The following ARFGEF1 variants were observed in gnomAD, a reference collection of about 807,000 sequenced individuals.
ARFGEF1 encodes brefeldin A-inhibited guanine nucleotide-exchange protein 1.
A neutral mutation model predicts 231.0 loss-of-function variants in ARFGEF1; 42 were observed. That is an observed-to-expected ratio of 0.18 (90% CI 0.14 to 0.24). ARFGEF1 has a LOEUF of 0.24. Among genes scored for constraint, ARFGEF1 ranks in the 10% least tolerant of loss-of-function variants. ARFGEF1 has a pLI of 1.00. For missense variants in ARFGEF1, 1,345 were observed against 2,192.0 expected (o/e 0.61, Z 7.72); for synonymous variants, 710 against 732.3 (o/e 0.97, Z 0.49).
chr8:67,260,028 T>G, intron 14 of ARFGEF1, 102 bp from the exon 15 acceptor site: 2 of 657,366 alleles, frequency 3.0e-6, no homozygotes, highest in Non-Finnish European at 5.2e-6. Flanking sequence ...CAGAAAATAG[T>G]AGCTTATTTA....
intron 27 of ARFGEF1, among the ~76,000 whole-genome samples, 158 bp from the exon 28 acceptor site, chr8:67,226,341 A>C (rs1839370111): frequency 6.6e-6 from 1 of 152,068 alleles, no homozygotes; most frequent in Admixed American, 6.6e-5. Flanking sequence ...TTACCACTTA[A>C]CTGACTGCCC....
chr8:67,329,570 AAAT>A (rs1480878735), intron 1 of ARFGEF1, among the ~76,000 whole-genome samples: 5 of 149,822 alleles, frequency 3.3e-5, no homozygotes, highest in African/African-American at 1.2e-4. Flanking sequence ...ATAAATAAAT[AAAT>A]AAAAAGAATT....
intron 1 of ARFGEF1, among the ~76,000 whole-genome samples, chr8:67,324,341 GCTTT>G (rs1461088922): frequency 6.6e-6 from 1 of 152,148 alleles, no homozygotes; most frequent in Non-Finnish European, 1.5e-5. Context: ...TCTCATCCTT[GCTTT>G]CTTTGCCAAA....
intron 27 of ARFGEF1, among the ~76,000 whole-genome samples, chr8:67,226,742 A>T (rs183071597): frequency 1.1e-3 from 164 of 152,164 alleles, no homozygotes; most frequent in African/African-American, 3.7e-3. Context: ...AAGGCTGTGC[A>T]ATGTACTTAC....
chr8:67,196,936 G>C (rs1444923739), downstream of ARFGEF1, among the ~76,000 whole-genome samples: 1 of 151,964 alleles, frequency 6.6e-6, no homozygotes, highest in Non-Finnish European at 1.5e-5. Context: ...TTATCTAAGA[G>C]AGGTGTGAAA....
chr8:67,289,860 A>C (rs1331196872), intron 6 of ARFGEF1, among the ~76,000 whole-genome samples: 1 of 152,192 alleles, frequency 6.6e-6, no homozygotes, highest in East Asian at 1.9e-4. Flanking sequence ...TAGTTGGCTA[A>C]AATTACCTCA....
chr8:67,266,955 T>A lies in ARFGEF1; in HGVS notation c.1842A>T (p.Glu614Asp). 6.2e-7 allele frequency: 1 copy of A among 1,613,590 alleles called. No homozygotes were observed. The change falls in exon 13 of 39, where the codon GAA becomes GAT. Residue 614 changes from glutamate (E) to aspartate (D), a missense_variant. Glu to Asp is a conservative substitution (Grantham distance 45). Coordinates refer to ENST00000262215, the MANE Select transcript of ARFGEF1 (RefSeq NM_006421.5). Reference protein sequence around the residue: ...QELSLRKKGLECLVSILKCMV... With the variant: ...QELSLRKKGLDCLVSILKCMV... ...TACACTTCAAAATCGACACTAAGCA[T>A]TCTAAACCTTTTTTCCTCAGGCTCA...
intron 14 of ARFGEF1, 80 bp downstream of exon 14, chr8:67,265,926 G>T (rs761696585): frequency 1.2e-5 from 16 of 1,311,332 alleles, no homozygotes; most frequent in Non-Finnish European, 1.7e-5. Context: ...TCATTATAAG[G>T]TGATAAACCC....
chr8:67,305,211 T>C (rs1171194489), intron 1 of ARFGEF1, among the ~76,000 whole-genome samples: 1 of 152,214 alleles, frequency 6.6e-6, no homozygotes, highest in East Asian at 1.9e-4. Flanking sequence ...AGGTTCCTTA[T>C]ATTCTAAAAC....
rs376685033 is a variant in ARFGEF1 at position 67,343,314 on chromosome 8, G to A, written c.-27C>T. 216 of 1,604,160 alleles carry A rather than the reference G, an allele frequency of 1.3e-4. No individual in the cohort carries two copies. The African/African-American group carries it at 2.6e-3, about 19-fold the overall frequency. On this transcript the variant is annotated 5_prime_UTR_variant, in exon 1 of 39. It adds an upstream start codon to the 5' untranslated region. Transcript: ENST00000262215. The stretch of plus-strand genomic sequence containing the variant: ...GACGCAGAGAAGGAGGCGGCGGCTC[G>A]TCCGACCCGCGGCTCCCAGCGGCTG...
intron 28 of ARFGEF1, 82 bp downstream of exon 28, chr8:67,225,941 T>C: frequency 2.2e-6 from 3 of 1,343,502 alleles, no homozygotes; most frequent in Middle Eastern, 2.1e-4. Flanking sequence ...ATGCTTCATA[T>C]ACCCTCAATT....
intron 34 of ARFGEF1, among the ~76,000 whole-genome samples, chr8:67,207,342 C>T (rs1375738743): frequency 6.6e-6 from 1 of 152,136 alleles, no homozygotes; most frequent in Non-Finnish European, 1.5e-5. Context: ...GAGCTTCCAG[C>T]AGGGACCCAA....
chr8:67,305,504 C>T (rs1806698492), intron 1 of ARFGEF1, among the ~76,000 whole-genome samples: 1 of 152,162 alleles, frequency 6.6e-6, no homozygotes, highest in Admixed American at 6.5e-5. Context: ...TGCGCCACCA[C>T]ACCTAGTTAA....
chr8:67,328,221 T>C (rs868620328), intron 1 of ARFGEF1, among the ~76,000 whole-genome samples: 1 of 152,218 alleles, frequency 6.6e-6, no homozygotes, highest in Non-Finnish European at 1.5e-5. Context: ...GAAACTGTTA[T>C]AATTTTTTTT....
intron 14 of ARFGEF1, among the ~76,000 whole-genome samples, chr8:67,263,306 A>G (rs1372528286): frequency 6.6e-6 from 1 of 151,982 alleles, no homozygotes; most frequent in African/African-American, 2.4e-5. Context: ...CTATTGCAAG[A>G]GTTCTTAAAT....
At chr8:67,177,789 G>A in intron 5 of ARFGEF1, 3 of 1,105,836 alleles carry the variant, frequency 2.7e-6, no homozygotes, top group Non-Finnish European at 4.2e-6. Context: ...TTAGGCATAT[G>A]ATGATCAAGT....
chr8:67,196,532 CTAA>C (rs2129576920), downstream of ARFGEF1, among the ~76,000 whole-genome samples: 1 of 152,204 alleles, frequency 6.6e-6, no homozygotes, highest in East Asian at 1.9e-4. Context: ...GCTTCTCTCT[CTAA>C]TAATACTTCC....
intron 34 of ARFGEF1, among the ~76,000 whole-genome samples, chr8:67,206,802 G>A (rs1214783296): frequency 1.3e-5 from 2 of 152,228 alleles, no homozygotes; most frequent in African/African-American, 2.4e-5. Flanking sequence ...CCCAAAGGGA[G>A]CTGCCTACTA....
intron 14 of ARFGEF1, among the ~76,000 whole-genome samples, chr8:67,261,449 C>T (rs1804617466): frequency 6.6e-6 from 1 of 152,206 alleles, no homozygotes; most frequent in South Asian, 2.1e-4. Context: ...AATGGAACAA[C>T]AAAGCCTGGA....
Sources: gnomAD v4.1 joint callset for allele counts (sites outside exome capture counted in the v4.1 genomes callset) on GRCh38, gnomAD v4.1.1 for gene constraint, MANE v1.5 for transcripts, NCBI Gene and HGNC (gene_info 2026-07-23, HGNC 2026-07-21) for gene names.